Variants in SPECC1 observed in about 807,000 individuals in gnomAD.
The protein encoded by SPECC1 is cytospin-B.
A neutral mutation model predicts 104.1 loss-of-function variants in SPECC1; 62 were observed. That is an observed-to-expected ratio of 0.60 (90% confidence interval 0.49 to 0.74). SPECC1 has a LOEUF of 0.74. Ranked by LOEUF, SPECC1 falls within the 30% of genes least tolerant of loss-of-function variation. SPECC1 has a pLI of 0.00. For synonymous variants in SPECC1, 513 were observed against 501.6 expected (o/e 1.02, Z -0.30); for missense variants, 1,306 against 1,310.5 (o/e 1.00, Z 0.05).
intron 3 of SPECC1, among the ~76,000 whole-genome samples, chr17:20,162,826 G>A (rs955637921): frequency 4.6e-5 from 7 of 152,174 alleles, no homozygotes; most frequent in Non-Finnish European, 7.4e-5. Flanking sequence ...TTGGGAGTTC[G>A]AGACCAGCCT....
chr17:20,070,825 GGT>G (rs201230498), intron 1 of SPECC1, among the ~76,000 whole-genome samples: 16,549 of 151,514 alleles, frequency 0.11, 903 homozygotes, highest in Non-Finnish European at 0.13. Flanking sequence ...TTTATAGTGG[GGT>G]TTTTTTTTCA....
chr17:20,157,370 C>G (rs1468244966), intron 3 of SPECC1, among the ~76,000 whole-genome samples: 1 of 152,108 alleles, frequency 6.6e-6, no homozygotes, highest in East Asian at 1.9e-4. Context: ...CAGGGGCCAG[C>G]TTACTGCCTA....
intron 1 of SPECC1, among the ~76,000 whole-genome samples, chr17:20,042,064 A>G (rs537010156): frequency 2.9e-4 from 44 of 152,346 alleles, no homozygotes; most frequent in Non-Finnish European, 4.7e-4. Context: ...ATGATCCTCA[A>G]TGAAAACTTC....
At chr17:20,133,909 C>G (rs2049788744) in intron 3 of SPECC1, among the ~76,000 whole-genome samples, 1 of 152,106 alleles carries the variant, frequency 6.6e-6, no homozygotes, top group African/African-American at 2.4e-5. Context: ...CAGACGCACT[C>G]TTTTTTGTTT....
chr17:20,180,773 A>G (rs1435560392), intron 3 of SPECC1, among the ~76,000 whole-genome samples: 2 of 152,224 alleles, frequency 1.3e-5, no homozygotes, highest in Non-Finnish European at 2.9e-5. Flanking sequence ...TTGAAACAAA[A>G]AAGCAAAAGT....
chr17:20,184,292 T>C (rs2035115351), intron 3 of SPECC1, among the ~76,000 whole-genome samples: 1 of 150,944 alleles, frequency 6.6e-6, no homozygotes. Flanking sequence ...GTGACAAATA[T>C]AACTCACAAG....
At chr17:20,260,707 A>G (rs549944614) in intron 12 of SPECC1, among the ~76,000 whole-genome samples, 11 of 152,340 alleles carry the variant, frequency 7.2e-5, no homozygotes, top group Admixed American at 2.0e-4. Context: ...GGGAGGAAGC[A>G]CGGGAGAGGG....
intron 1 of SPECC1, among the ~76,000 whole-genome samples, chr17:20,016,037 C>T (rs2044111594): frequency 1.3e-5 from 2 of 149,754 alleles, no homozygotes; most frequent in African/African-American, 2.4e-5. Context: ...GGTGAAACTC[C>T]GCTTCTACTA....
chr17:20,069,530 A>T (rs995422922), intron 1 of SPECC1, among the ~76,000 whole-genome samples: 3 of 152,212 alleles, frequency 2.0e-5, no homozygotes, highest in Middle Eastern at 6.8e-3. Context: ...ATGAGGTAGG[A>T]GTCTAACTTT....
intron 4 of SPECC1, among the ~76,000 whole-genome samples, chr17:20,214,700 G>T (rs1012695452): frequency 2.0e-5 from 3 of 152,104 alleles, no homozygotes; most frequent in African/African-American, 7.2e-5. Flanking sequence ...TAGAGACGGG[G>T]TTTCACCATG....
At position 20,315,013 on chromosome 17, in the gene SPECC1, AC is replaced by A. The variant is rs139407148; in HGVS notation, c.*950del. ...CAGTAGGGAAACCGCAGTCCTCGTC[AC>A]CTGCGCCTTTGTCCTCCCATTCGTT... On this transcript the variant is annotated 3_prime_UTR_variant, in exon 15 of 15. Transcript: ENST00000395527. The A allele has an allele frequency of 8.6e-3, 1,991 of 232,698 alleles. 127 individuals carry two copies. In the East Asian group the frequency reaches 0.12, roughly 14 times the overall value. The allele number at this position is 232,698 out of a possible 1,614,324, so 14.4% of individuals were successfully genotyped here.
intron 3 of SPECC1, among the ~76,000 whole-genome samples, chr17:20,157,507 TGGTAAAGGATTGGTTC>T (rs896128845): frequency 2.0e-5 from 3 of 152,220 alleles, no homozygotes; most frequent in African/African-American, 7.2e-5. Context: ...ATAACCCTGT[TGGTAAAGGATTGGTTC>T]GGTAAAGGAT....
chr17:20,164,710 C>T (rs2033493601), intron 3 of SPECC1, among the ~76,000 whole-genome samples: 1 of 152,064 alleles, frequency 6.6e-6, no homozygotes, highest in African/African-American at 2.4e-5. Context: ...TATACTTTGC[C>T]CGGGTATAGA....
At chr17:20,087,922 G>A (rs906468015) in intron 1 of SPECC1, among the ~76,000 whole-genome samples, 9 of 152,176 alleles carry the variant, frequency 5.9e-5, no homozygotes, top group African/African-American at 9.6e-5. Context: ...GCACCTTGGA[G>A]CAGAGACTGA....
At chr17:20,282,950 A>G (rs2040823812) in intron 12 of SPECC1, among the ~76,000 whole-genome samples, 6 of 152,152 alleles carry the variant, frequency 3.9e-5, no homozygotes, top group Admixed American at 3.9e-4. Context: ...AGGCTGAGGC[A>G]GGAGGATTGC....
At chr17:20,079,862 C>G (rs1440326966) in intron 1 of SPECC1, among the ~76,000 whole-genome samples, 1 of 152,160 alleles carries the variant, frequency 6.6e-6, no homozygotes, top group Non-Finnish European at 1.5e-5. Context: ...GATCCTTTCC[C>G]TGGGTGGGCA....
At chr17:20,156,282 C>CA (rs1035267950) in intron 3 of SPECC1, 40 of 1,326,502 alleles carry the variant, frequency 3.0e-5, no homozygotes, top group Non-Finnish European at 3.9e-5. Flanking sequence ...AACCCCACCC[C>CA]CCCTCCAGGC....
Position 20,152,815 on chromosome 17 carries a change from G to A in SPECC1, c.283+42253G>A, listed in dbSNP as rs189217614. Among the ~76,000 whole-genome samples, 24 of 152,256 alleles carry A rather than the reference G, an allele frequency of 1.6e-4. 1 individual carries two copies. The East Asian group carries it at 1.7e-3, about 11-fold the overall frequency. On this transcript the variant is annotated intron_variant, in intron 3 of 14. Transcript: ENST00000395527. ...GCTGAGAAGGTGGGACTAGAGGCAC[G>A]TGCCACCACGCCTAGCTAATTTTTG...
At position 20,315,529 on chromosome 17, in the gene SPECC1, A is replaced by C; in HGVS notation, c.*1464A>C. ...CCATCCCTTGCTGTTTTAAGTGCCA[A>C]ATAGCGTGTTAGCGCCCCTCCAACA... On this transcript the variant is annotated 3_prime_UTR_variant, in exon 15 of 15. Coordinates refer to ENST00000395527, the MANE Select transcript of SPECC1 (RefSeq NM_001243439.2). 1 of 232,828 alleles carries C rather than the reference A, an allele frequency of 4.3e-6. No homozygotes were observed. Among genetic ancestry groups the C allele is most frequent in the East Asian group, 6.1e-5 (1 of 16,522 alleles). The allele number at this position is 232,828 out of a possible 1,614,324, so 14.4% of individuals were successfully genotyped here. A position where few individuals can be genotyped will look rare whatever the true frequency, so the allele number is the denominator to read the frequency against.
Sources: allele counts gnomAD v4.1 joint callset (sites outside exome capture counted in the v4.1 genomes callset), GRCh38; gene constraint gnomAD v4.1.1; transcripts MANE v1.5; gene names NCBI Gene and HGNC (gene_info 2026-07-23, HGNC 2026-07-21).